MYO10: variants seen among roughly 807,000 people sequenced by gnomAD.
The protein encoded by MYO10 is myosin X.
MYO10 carries 133 observed loss-of-function variants against 257.3 expected under a neutral mutation model. The observed-to-expected ratio is 0.52, with a 90% CI of 0.45 to 0.60. The LOEUF is 0.60. MYO10 is among the 20% of genes least tolerant of loss of function. The probability of loss-of-function intolerance (pLI) is 0.00; values close to 1 mark genes in which losing one functional copy is unlikely to be tolerated. For synonymous variants in MYO10, 1,104 were observed against 1,028.6 expected (o/e 1.07, Z -1.40); for missense variants, 2,399 against 2,635.7 (o/e 0.91, Z 1.97).
chr5:16,796,176 G>A (rs368357929), intron 3 of MYO10, among the ~76,000 whole-genome samples: 6 of 137,562 alleles, frequency 4.4e-5, no homozygotes, highest in Admixed American at 2.3e-4. Flanking sequence ...GCGACAGAGC[G>A]AGACTCTGTC....
intron 19 of MYO10, among the ~76,000 whole-genome samples, chr5:16,725,811 G>A (rs554257074): frequency 6.1e-5 from 9 of 148,232 alleles, no homozygotes; most frequent in East Asian, 2.0e-4. Flanking sequence ...TTTGTGAGGC[G>A]GAGTCTAGCT....
intron 1 of MYO10, chr5:16,902,320 G>A (rs753539809): frequency 1.4e-5 from 13 of 911,514 alleles, no homozygotes; most frequent in Non-Finnish European, 2.0e-5. Flanking sequence ...AGGGGACATG[G>A]GGCAGCACCC....
intron 2 of MYO10, among the ~76,000 whole-genome samples, chr5:16,852,145 G>A (rs1743827407): frequency 6.6e-6 from 1 of 150,474 alleles, no homozygotes; most frequent in Admixed American, 6.6e-5. Flanking sequence ...GAGGGAGGGT[G>A]GTTGGTTGGT....
At chr5:16,865,672 G>A (rs966354003) in intron 2 of MYO10, among the ~76,000 whole-genome samples, 7 of 151,938 alleles carry the variant, frequency 4.6e-5, no homozygotes, top group Non-Finnish European at 8.8e-5. Context: ...TTAGCCGGGC[G>A]TGGTGGCAGG....
At chr5:16,672,557 T>C in intron 37 of MYO10, 132 bp downstream of exon 37, 1 of 1,055,038 alleles carries the variant, frequency 9.5e-7, no homozygotes. Flanking sequence ...TAAACAGGCA[T>C]CAACACAGGT....
chr5:16,770,800 G>A (rs1157281679), intron 9 of MYO10, among the ~76,000 whole-genome samples: 3 of 152,108 alleles, frequency 2.0e-5, no homozygotes, highest in Non-Finnish European at 2.9e-5. Context: ...ATGGAGTTTC[G>A]CTGTTTCGCC....
intron 1 of MYO10, among the ~76,000 whole-genome samples, chr5:16,899,634 A>AC (rs1475076324): frequency 2.0e-5 from 3 of 151,226 alleles, no homozygotes; most frequent in African/African-American, 7.4e-5. Flanking sequence ...GTTTCAAAAA[A>AC]AAAAAAAACA....
In MYO10 at chr5:16,913,310, T is replaced by G. The variant is rs80337779; in HGVS notation, c.21+22478A>C. Among the ~76,000 whole-genome samples, 196 of 152,270 alleles carry G rather than the reference T, an allele frequency of 1.3e-3. 1 individual carries two copies. In the East Asian group the frequency reaches 0.031, roughly 24 times the overall value. Reference sequence around the variant, plus strand: ...TCTTGAGTAATAGTCAAGTCTCCTCTAGCAATAAAGCACAGAGATGCATAG... The same window carrying G: ...TCTTGAGTAATAGTCAAGTCTCCTCGAGCAATAAAGCACAGAGATGCATAG... On this transcript the variant is annotated intron_variant, in intron 1 of 40. Coordinates refer to ENST00000513610, the MANE Select transcript of MYO10 (RefSeq NM_012334.3).
chr5:16,883,324 C>T (rs1744810117), intron 1 of MYO10, among the ~76,000 whole-genome samples: 1 of 152,160 alleles, frequency 6.6e-6, no homozygotes, highest in Non-Finnish European at 1.5e-5. Flanking sequence ...AACTGAGCAA[C>T]AGAGGTGTTG....
At chr5:16,755,253 C>T (rs990557660) in intron 18 of MYO10, among the ~76,000 whole-genome samples, 3 of 152,234 alleles carry the variant, frequency 2.0e-5, no homozygotes, top group Non-Finnish European at 4.4e-5. Flanking sequence ...GCAAGCTCCG[C>T]CTCCCGGGCT....
chr5:16,727,473 T>G (rs1409677856), intron 19 of MYO10, among the ~76,000 whole-genome samples: 1 of 152,194 alleles, frequency 6.6e-6, no homozygotes, highest in Non-Finnish European at 1.5e-5. Context: ...TACCCATTTT[T>G]CAAAGATAAA....
Position 16,681,150 on chromosome 5 carries a change from C to G in MYO10, c.4384+159G>C, listed in dbSNP as rs879465356. On this transcript the variant is annotated intron_variant, in intron 32 of 40. Coordinates refer to ENST00000513610, the MANE Select transcript of MYO10 (RefSeq NM_012334.3). ...TAGTACGGCTTAAACACTAAGTGGT[C>G]ACATAGCTAACCCCAGACAGGCTTA... Among the ~76,000 whole-genome samples, 3 of 151,744 alleles carry G rather than the reference C, an allele frequency of 2.0e-5. No individual in the cohort carries two copies. The East Asian group carries it at 5.8e-4, about 29-fold the overall frequency.
intron 2 of MYO10, among the ~76,000 whole-genome samples, chr5:16,839,739 T>C (rs905847244): frequency 4.6e-5 from 7 of 152,000 alleles, no homozygotes; most frequent in African/African-American, 1.4e-4. Context: ...AAACTCTGTC[T>C]CAAAAAAAAT....
At chr5:16,818,429 C>CGT (rs1742705651) in intron 2 of MYO10, among the ~76,000 whole-genome samples, 1 of 130,690 alleles carries the variant, frequency 7.7e-6, no homozygotes, top group African/African-American at 3.0e-5. Context: ...TATATATACA[C>CGT]ATATCTTTGT....
chr5:16,925,154 A>G (rs1746098690), intron 1 of MYO10, among the ~76,000 whole-genome samples: 1 of 152,148 alleles, frequency 6.6e-6, no homozygotes, highest in African/African-American at 2.4e-5. Context: ...TAATAATATT[A>G]GCAAAAGTTT....
At chr5:16,712,733 A>G (rs1350812054) in intron 19 of MYO10, among the ~76,000 whole-genome samples, 1 of 152,260 alleles carries the variant, frequency 6.6e-6, no homozygotes, top group Non-Finnish European at 1.5e-5. Flanking sequence ...GACTTCTCTC[A>G]TATTTAATTT....
intron 2 of MYO10, among the ~76,000 whole-genome samples, chr5:16,841,912 G>T (rs1196403182): frequency 6.6e-6 from 1 of 151,058 alleles, no homozygotes; most frequent in Non-Finnish European, 1.5e-5. Context: ...CAAACACCCA[G>T]GCAAAGCCAT....
intron 2 of MYO10, among the ~76,000 whole-genome samples, chr5:16,873,728 GC>G (rs1324814507): frequency 1.3e-5 from 2 of 152,224 alleles, no homozygotes; most frequent in Non-Finnish European, 2.9e-5. Context: ...ACACGTGGAA[GC>G]TGCCAAGGCT....
chr5:16,852,680 G>T (rs1332059473), intron 2 of MYO10, among the ~76,000 whole-genome samples: 1 of 151,872 alleles, frequency 6.6e-6, no homozygotes, highest in Admixed American at 6.6e-5. Context: ...TACATGAGAA[G>T]CCCTCTTTTC....
Sources: allele counts gnomAD v4.1 joint callset (sites outside exome capture counted in the v4.1 genomes callset), GRCh38; gene constraint gnomAD v4.1.1; transcripts MANE v1.5; gene names NCBI Gene and HGNC (gene_info 2026-07-23, HGNC 2026-07-21).